DACH2: variants seen among roughly 807,000 people sequenced by gnomAD.
The protein encoded by DACH2 is dachshund homolog 2.
In DACH2, 17 loss-of-function variants were observed where a neutral mutation model predicts 35.8. The ratio of observed to expected loss-of-function variants is 0.48; its 90% CI spans 0.33 to 0.71. The LOEUF (loss-of-function observed/expected upper bound fraction) is 0.71, where lower values mean the gene tolerates loss of function less well. DACH2 is among the 30% of genes least tolerant of loss of function. The probability of loss-of-function intolerance (pLI) is 0.02; values close to 1 mark genes in which losing one functional copy is unlikely to be tolerated. For missense variants in DACH2, 469 were observed against 472.7 expected (o/e 0.99, Z 0.07); for synonymous variants, 195 against 177.3 (o/e 1.10, Z -0.79).
At chrX:86,432,158 TC>T (rs907435453) in intron 2 of DACH2, among the ~76,000 whole-genome samples, 9 of 112,157 alleles carry the variant, frequency 8.0e-5, no homozygotes, top group African/African-American at 2.6e-4. Flanking sequence ...ATCTACAAAG[TC>T]CCCAAAGTCA....
At chrX:86,538,894 T>C (rs1460298892) in intron 3 of DACH2, among the ~76,000 whole-genome samples, 2 of 111,418 alleles carry the variant, frequency 1.8e-5, no homozygotes, top group African/African-American at 6.5e-5. Flanking sequence ...AGGAGAGGAC[T>C]CCATGAGAAA....
chrX:86,223,818 G>A (rs1272486758), intron 1 of DACH2, among the ~76,000 whole-genome samples: 2 of 112,154 alleles, frequency 1.8e-5, no homozygotes, highest in Non-Finnish European at 3.8e-5. Context: ...CTGTTCATTT[G>A]ACTGTTGTTG....
chrX:86,178,187 T>TA (rs762617185), intron 1 of DACH2, among the ~76,000 whole-genome samples: 1 of 111,583 alleles, frequency 9.0e-6, no homozygotes, highest in African/African-American at 3.2e-5. Flanking sequence ...GTAATTGCCC[T>TA]ACTCAAGCTT....
At chrX:86,187,155 T>C (rs2031705759) in intron 1 of DACH2, among the ~76,000 whole-genome samples, 1 of 111,333 alleles carries the variant, frequency 9.0e-6, no homozygotes, top group East Asian at 2.8e-4. Context: ...TGAGAGATAT[T>C]ATATGAGTGG....
intron 3 of DACH2, among the ~76,000 whole-genome samples, chrX:86,621,870 A>G (rs1309730155): frequency 8.9e-6 from 1 of 112,182 alleles, no homozygotes; most frequent in African/African-American, 3.2e-5. Flanking sequence ...TAGTTCATGG[A>G]AAATGTACAT....
chrX:86,429,160 T>G (rs1459652511), intron 2 of DACH2, among the ~76,000 whole-genome samples: 4 of 110,978 alleles, frequency 3.6e-5, no homozygotes, highest in African/African-American at 1.3e-4. Flanking sequence ...CTTTATAAAA[T>G]TATAGAGCCT....
chrX:86,160,940 T>G (rs192464899), intron 1 of DACH2: 2 of 747,088 alleles, frequency 2.7e-6, no homozygotes, highest in Non-Finnish European at 4.2e-6. Context: ...TTGGACCAGA[T>G]GGTGGTAGGA....
At chrX:86,315,808 C>A (rs1169116011) in intron 1 of DACH2, among the ~76,000 whole-genome samples, 1 of 93,153 alleles carries the variant, frequency 1.1e-5, no homozygotes, top group Non-Finnish European at 2.0e-5. Context: ...CACACACACA[C>A]ACACACACAC....
intron 1 of DACH2, among the ~76,000 whole-genome samples, chrX:86,362,323 T>G (rs193078798): frequency 1.8e-5 from 2 of 111,142 alleles, no homozygotes; most frequent in African/African-American, 6.5e-5. Flanking sequence ...GGCATTAATT[T>G]TATAAATTAT....
intron 3 of DACH2, among the ~76,000 whole-genome samples, chrX:86,597,408 T>C (rs2039726842): frequency 8.9e-6 from 1 of 112,255 alleles, no homozygotes; most frequent in African/African-American, 3.2e-5. Flanking sequence ...TAATTTTCCT[T>C]GTGATCTCAT....
intron 3 of DACH2, among the ~76,000 whole-genome samples, chrX:86,529,476 AT>A (rs201967458): frequency 0.4 from 36,315 of 91,809 alleles, 6,195 homozygotes; most frequent in Middle Eastern, 0.53. Context: ...TGTGATCAAC[AT>A]TTTTTTTTTT....
intron 1 of DACH2, among the ~76,000 whole-genome samples, chrX:86,271,751 G>A (rs189065357): frequency 2.1e-4 from 23 of 111,857 alleles, no homozygotes; most frequent in Admixed American, 2.0e-3. Context: ...ATTTTATCAT[G>A]CCCTTGTTAA....
intron 3 of DACH2, among the ~76,000 whole-genome samples, chrX:86,532,907 T>G (rs1190915549): frequency 9.0e-6 from 1 of 111,665 alleles, no homozygotes; most frequent in Non-Finnish European, 1.9e-5. Context: ...TAACATTGTT[T>G]AAAAGAAATA....
chrX:86,236,122 G>T (rs1368803104), intron 1 of DACH2, among the ~76,000 whole-genome samples: 11 of 78,729 alleles, frequency 1.4e-4, no homozygotes, highest in Admixed American at 1.4e-3. Flanking sequence ...ACAGAGCAAG[G>T]CTCCATCTCA....
At chrX:86,570,006 C>G (rs976689387) in intron 3 of DACH2, among the ~76,000 whole-genome samples, 5 of 111,583 alleles carry the variant, frequency 4.5e-5, no homozygotes. Flanking sequence ...CATCATTGAT[C>G]GTTAGAGAAA....
chrX:86,355,167 T>A (rs531514477), intron 1 of DACH2, among the ~76,000 whole-genome samples: 211 of 112,287 alleles, frequency 1.9e-3, no homozygotes, highest in African/African-American at 6.4e-3. Flanking sequence ...TTTGGTTTTT[T>A]GTTCCTGCAT....
intron 1 of DACH2, among the ~76,000 whole-genome samples, chrX:86,301,625 C>T (rs1464128121): frequency 9.0e-6 from 1 of 111,542 alleles, no homozygotes; most frequent in African/African-American, 3.3e-5. Context: ...TGGAGGTTAA[C>T]TTAGTAATGA....
At chrX:86,371,880 CATTGCTTGACTTATACTTCATTTATTT>C in intron 1 of DACH2, among the ~76,000 whole-genome samples, 1 of 111,131 alleles carries the variant, frequency 9.0e-6, no homozygotes, top group Admixed American at 9.7e-5. Flanking sequence ...GGTGGGGAGG[CATTGCTTGACTTATACTTCATTTATTT>C]ATTACATTTT....
At chrX:86,513,975 A>G (rs1010565685) in intron 2 of DACH2, among the ~76,000 whole-genome samples, 1 of 111,650 alleles carries the variant, frequency 9.0e-6, no homozygotes, top group East Asian at 2.8e-4. Context: ...GCGTAGCTTT[A>G]AAAGCAGGGG....
Sources: allele counts gnomAD v4.1 joint callset (sites outside exome capture counted in the v4.1 genomes callset), GRCh38; gene constraint gnomAD v4.1.1; transcripts MANE v1.5; gene names NCBI Gene and HGNC (gene_info 2026-07-23, HGNC 2026-07-21).